YLPM1: variants seen among roughly 807,000 people sequenced by gnomAD.
YLPM1 encodes the protein YLP motif-containing protein 1.
A neutral mutation model predicts 230.0 loss-of-function variants in YLPM1; 99 were observed. That is an observed-to-expected ratio of 0.43 (90% CI 0.37 to 0.51). The LOEUF (loss-of-function observed/expected upper bound fraction) is 0.51, where lower values mean the gene tolerates loss of function less well. YLPM1 is among the 20% of genes least tolerant of loss of function. The pLI, the probability that YLPM1 is intolerant of heterozygous loss-of-function variation, is 0.00. For missense variants in YLPM1, 2,592 were observed against 2,707.7 expected (o/e 0.96, Z 0.95); for synonymous variants, 984 against 942.5 (o/e 1.04, Z -0.81).
At position 74,799,244 on chromosome 14, in the gene YLPM1, T is replaced by C; in HGVS notation, c.3947T>C (p.Leu1316Pro). ...NEWDRDYGRP[L>P]DEQESQFRER... is the part of the protein sequence containing the mutation. ...TGGGACAGAGATTATGGGAGACCACTGGATGAACAAGAATCACAGTTTCGT... is the reference window on the plus strand; with the variant it reads ...TGGGACAGAGATTATGGGAGACCACCGGATGAACAAGAATCACAGTTTCGT... The change falls in exon 5 of 21, where the codon CTG (leucine) becomes CCG (proline). Residue 1316 changes from leucine to proline, a missense_variant. This residue lies in a region of YLPM1 where 1,862 missense variants were observed against 1,819.8 expected (regional missense o/e 1.02). Transcript: ENST00000325680. 6.2e-7 allele frequency: 1 copy of C among 1,614,030 alleles called. No homozygotes were observed.
rs2091486637 is a variant in YLPM1 at position 74,817,294 on chromosome 14, T to C, written c.5946+17T>C. 1 of 1,556,568 alleles carries C rather than the reference T, an allele frequency of 6.4e-7. No homozygotes were observed. The highest frequency in any genetic ancestry group is 8.7e-7 in the Non-Finnish European group (1 of 1,149,086). ...ATAAATAAGGTGATTTTAAGAAACA[T>C]AGAATAATAGAGTACTATCATGCGC... On this transcript the variant is annotated intron_variant, in intron 15 of 20. Transcript: ENST00000325680.
intron 4 of YLPM1, among the ~76,000 whole-genome samples, chr14:74,784,110 T>A (rs1461678456): frequency 6.6e-6 from 1 of 152,246 alleles, no homozygotes; most frequent in Non-Finnish European, 1.5e-5. Flanking sequence ...GAGCATTGCC[T>A]TTTAGATCTG....
intron 6 of YLPM1, among the ~76,000 whole-genome samples, chr14:74,803,134 G>C (rs1015909180): frequency 6.6e-6 from 1 of 151,886 alleles, no homozygotes; most frequent in Non-Finnish European, 1.5e-5. Flanking sequence ...ATCTAGGCAG[G>C]GCTAGATGTG....
At chr14:74,835,241 A>G (rs755682735) in intron 19 of YLPM1, 24 bp from the exon 20 acceptor site, 2 of 1,610,588 alleles carry the variant, frequency 1.2e-6, no homozygotes, top group Non-Finnish European at 1.7e-6. Flanking sequence ...CCTAAAGCTC[A>G]GCCTAATGCT....
At chr14:74,781,193 C>T (rs2091088216) in intron 3 of YLPM1, 141 bp from the exon 4 acceptor site, 10 of 947,704 alleles carry the variant, frequency 1.1e-5, no homozygotes, top group East Asian at 2.7e-5. Flanking sequence ...AAGAACTTAA[C>T]GAACTTATTC....
chr14:74,766,851 TAAAAC>T lies in YLPM1; in HGVS notation c.873+2505_873+2509del, dbSNP rs549132901. The stretch of plus-strand genomic sequence containing the variant: ...CTACATTCTTAGTCAAGTACCTCTA[TAAAAC>T]AAAACAAAACAAAACCAAGACCTTT... On this transcript the variant is annotated intron_variant, in intron 1 of 20. Transcript: ENST00000325680. 5.3e-4 allele frequency among the ~76,000 whole-genome samples: 80 copies of T among 150,188 alleles called. 1 individual carries two copies. In the South Asian group the frequency reaches 0.011, roughly 21 times the overall value.
intron 4 of YLPM1, among the ~76,000 whole-genome samples, chr14:74,796,968 C>CTTTTTT (rs3083626): frequency 2.5e-4 from 22 of 88,950 alleles, no homozygotes; most frequent in Admixed American, 6.2e-4. Context: ...TTTATAATTG[C>CTTTTTT]TTTTTTTTTT....
chr14:74,791,447 C>T (rs2091206321), intron 4 of YLPM1, among the ~76,000 whole-genome samples: 1 of 152,222 alleles, frequency 6.6e-6, no homozygotes, highest in Non-Finnish European at 1.5e-5. Context: ...TTCAACCCTT[C>T]TGCCATGTCC....
Position 74,798,437 on chromosome 14 carries a change from G to A in YLPM1, c.3140G>A (p.Arg1047Gln), listed in dbSNP as rs764935207. Residue 1047 changes from arginine to glutamine, a missense_variant, in exon 5 of 21, where the codon CGA (arginine) becomes CAA (glutamine). By Grantham distance (43) the Arg-to-Gln change is conservative. Coordinates refer to ENST00000325680, the MANE Select transcript of YLPM1 (RefSeq NM_019589.3). ...AGAGGTCGCGGCCAGGCAATCAGTC[G>A]AGGCCCAGGATTGGTCAAGCAAGAA... ...VNRGRGQAIS[R>Q]GPGLVKQEDF... 14 of 1,613,832 alleles carry A rather than the reference G, an allele frequency of 8.7e-6. No individual in the cohort carries two copies. Among genetic ancestry groups the A allele is most frequent in the Admixed American group, 5.0e-5 (3 of 60,006 alleles).
intron 18 of YLPM1, among the ~76,000 whole-genome samples, chr14:74,825,446 A>G (rs969161994): frequency 3.9e-5 from 6 of 152,144 alleles, no homozygotes; most frequent in African/African-American, 1.4e-4. Flanking sequence ...TTTTTGACAT[A>G]TTCTTCTAGT....
chr14:74,790,850 A>T (rs886695109), intron 4 of YLPM1, among the ~76,000 whole-genome samples: 1 of 152,172 alleles, frequency 6.6e-6, no homozygotes, highest in African/African-American at 2.4e-5. Context: ...GTATCTCTTG[A>T]TATATTTGTT....
intron 4 of YLPM1, among the ~76,000 whole-genome samples, chr14:74,788,586 A>G (rs571556685): frequency 6.6e-6 from 1 of 152,326 alleles, no homozygotes; most frequent in South Asian, 2.1e-4. Context: ...TCACACACCT[A>G]TAATTCCAGC....
chr14:74,810,173 C>A, intron 8 of YLPM1, 52 bp from the exon 9 acceptor site: 1 of 1,568,588 alleles, frequency 6.4e-7, no homozygotes, highest in Non-Finnish European at 8.6e-7. Flanking sequence ...TAGTTTTCTG[C>A]TTTTATTTCT....
chr14:74,818,324 C>T lies in YLPM1; in HGVS notation c.6030+10C>T. The T allele has an allele frequency of 1.3e-6, 2 of 1,583,254 alleles. No individual in the cohort carries two copies. The highest frequency in any genetic ancestry group is 2.3e-5 in the East Asian group (1 of 43,936). On this transcript the variant is annotated intron_variant, in intron 16 of 20. Transcript: ENST00000325680. ...TGCTGCTATTGAAGAGGTGAGTATC[C>T]TTTGGTTCAAATGCAATGCAAAGTG...
chr14:74,794,782 C>T (rs1409218805), intron 4 of YLPM1, among the ~76,000 whole-genome samples: 2 of 152,080 alleles, frequency 1.3e-5, no homozygotes, highest in Non-Finnish European at 2.9e-5. Context: ...CACACACACA[C>T]ACACATATTT....
At chr14:74,796,241 A>G (rs1046986796) in intron 4 of YLPM1, among the ~76,000 whole-genome samples, 1 of 152,160 alleles carries the variant, frequency 6.6e-6, no homozygotes, top group African/African-American at 2.4e-5. Flanking sequence ...CTTATTTTTT[A>G]GTGTGCTGCT....
At chr14:74,812,285 C>A (rs2091441237) in intron 10 of YLPM1, among the ~76,000 whole-genome samples, 1 of 152,220 alleles carries the variant, frequency 6.6e-6, no homozygotes, top group African/African-American at 2.4e-5. Flanking sequence ...AACTCTTACT[C>A]TTAAAACCAT....
intron 6 of YLPM1, among the ~76,000 whole-genome samples, chr14:74,809,029 G>A (rs2091407338): frequency 6.6e-6 from 1 of 151,712 alleles, no homozygotes; most frequent in Non-Finnish European, 1.5e-5. Flanking sequence ...ACTAATGATG[G>A]TGAGCATCTT....
intron 4 of YLPM1, among the ~76,000 whole-genome samples, chr14:74,796,221 A>T (rs973851345): frequency 1.6e-4 from 24 of 152,138 alleles, no homozygotes; most frequent in Admixed American, 1.5e-3. Flanking sequence ...ATCCTCGCTT[A>T]CTTCTTTACC....
Sources: gnomAD v4.1 joint callset for allele counts (sites outside exome capture counted in the v4.1 genomes callset) on GRCh38, gnomAD v4.1.1 for gene constraint, gnomAD v4.1.1 regional missense constraint, MANE v1.5 for transcripts, NCBI Gene and HGNC (gene_info 2026-07-23, HGNC 2026-07-21) for gene names.